PIK3CD: variants seen among roughly 807,000 people sequenced by gnomAD.
The protein encoded by PIK3CD is phosphatidylinositol 4,5-bisphosphate 3-kinase catalytic subunit delta isoform.
PIK3CD carries 20 observed loss-of-function variants against 122.9 expected under a neutral mutation model. The observed-to-expected ratio is 0.16, with a 90% CI of 0.11 to 0.24. PIK3CD has a LOEUF of 0.24. Among genes scored for constraint, PIK3CD ranks in the 10% least tolerant of loss-of-function variants. The pLI is 1.00. For missense variants in PIK3CD, 787 were observed against 1,406.3 expected, an observed-to-expected ratio of 0.56 and a Z score of 7.04; for synonymous variants, 596 against 593.4, an observed-to-expected ratio of 1.00 and a Z score of -0.06.
chr1:9,715,999 C>T lies in PIK3CD; in HGVS notation c.521C>T (p.Ser174Leu), dbSNP rs148638384. 1.6e-5 allele frequency: 25 copies of T among 1,612,476 alleles called. No individual in the cohort carries two copies. The highest frequency in any genetic ancestry group is 2.7e-5 in the African/African-American group (2 of 74,952). Residue 174 changes from serine (S) to leucine (L), a missense_variant, in exon 5 of 24, where the codon TCG becomes TTG. Physicochemically the swap from Ser to Leu is moderately radical, Grantham distance 145. Transcript: ENST00000377346. This position sits in a 1 kb window ranked among gnomAD's most constrained non-coding sequence, Gnocchi z 4.1. ...QYSFPLQLEP[S>L]AQTWGPGTLR... ...AGTTTCCCCCTGCAGCTGGAGCCCT[C>T]GGCTCAAACCTGGGGGCCTGGTACC...
rs1648433402 is a variant in PIK3CD, at chr1:9,720,681, G to A, written c.1521+20G>A. ...GAGGAGGTGAGTGGGGTGGGGGTGT[G>A]GGGTGGGGGGCATGGAGCCGGCGTG... On this transcript the variant is annotated intron_variant, in intron 12 of 23. Coordinates refer to ENST00000377346, the MANE Select transcript of PIK3CD (RefSeq NM_005026.5). The surrounding 1 kb of genome is among the most constrained non-coding windows in gnomAD (Gnocchi z 9.0). 1.3e-6 allele frequency: 2 copies of A among 1,544,792 alleles called. No individual in the cohort carries two copies. The highest frequency in any genetic ancestry group is 2.0e-5 in the Admixed American group (1 of 51,120).
At position 9,669,090 on chromosome 1, in the gene PIK3CD, G is replaced by A. The variant is rs552168290; in HGVS notation, c.-138+17288G>A. Among the ~76,000 whole-genome samples the A allele has an allele frequency of 2.0e-5, 3 of 152,248 alleles. No homozygotes were observed. In the East Asian group the frequency reaches 5.8e-4, roughly 29 times the overall value. On this transcript the variant is annotated intron_variant, in intron 1 of 23. Coordinates refer to ENST00000377346, the MANE Select transcript of PIK3CD (RefSeq NM_005026.5). Reference sequence around the variant, plus strand: ...AGGTGGATTCCTCAGGTATTTCAGGGGACAGAATCTGGGGCTTTGACTCCA... The same window carrying A: ...AGGTGGATTCCTCAGGTATTTCAGGAGACAGAATCTGGGGCTTTGACTCCA...
chr1:9,710,371 G>T lies in PIK3CD; in HGVS notation c.-32-53G>T. On this transcript the variant is annotated intron_variant, in intron 2 of 23. Transcript: ENST00000377346. This position sits in a 1 kb window ranked among gnomAD's most constrained non-coding sequence, Gnocchi z 4.7. ...TGTTTTCCAGGGAGTCCCTTCCAAA[G>T]GTCTCACCCAGCTCAGCTGAGGTAA... The T allele has an allele frequency of 6.9e-7, 1 of 1,440,880 alleles. No homozygotes were observed. The allele number at this position is 1,440,880 out of a possible 1,614,324, so 89.3% of individuals were successfully genotyped here. A position where few individuals can be genotyped will look rare whatever the true frequency, so the allele number is the denominator to read the frequency against.
intron 1 of PIK3CD, among the ~76,000 whole-genome samples, chr1:9,671,581 G>A (rs1445475210): frequency 6.6e-6 from 1 of 152,094 alleles, no homozygotes; most frequent in Non-Finnish European, 1.5e-5. Flanking sequence ...TACCTTATTT[G>A]ATCTTCCCAT....
intron 1 of PIK3CD, among the ~76,000 whole-genome samples, chr1:9,663,218 G>A (rs1201094621): frequency 6.6e-6 from 1 of 152,190 alleles, no homozygotes; most frequent in African/African-American, 2.4e-5. Context: ...AGACCCAGTC[G>A]TAGTCCCCAG....
At chr1:9,690,319 G>A (rs538180033) in intron 1 of PIK3CD, among the ~76,000 whole-genome samples, 109 of 152,304 alleles carry the variant, frequency 7.2e-4, no homozygotes, top group South Asian at 2.5e-3. Context: ...AATTCCTGAG[G>A]ATGAATTCTC....
In PIK3CD at chr1:9,726,921, C is replaced by G; in HGVS notation, c.3010C>G (p.Leu1004Val). The change falls in exon 24 of 24, where the codon CTG becomes GTG. Residue 1004 changes from leucine (L) to valine (V), a missense_variant. Coordinates refer to ENST00000377346, the MANE Select transcript of PIK3CD (RefSeq NM_005026.5). ...GATTTGTTTGCAGGACTCCCTGGCA[C>G]TGGGGAAAACAGAGGAGGAGGCACT... ...DIQYLKDSLA[L>V]GKTEEEALKH... 6.2e-7 allele frequency: 1 copy of G among 1,613,878 alleles called. No homozygotes were observed. The highest frequency in any genetic ancestry group is 8.5e-7 in the Non-Finnish European group (1 of 1,179,866).
chr1:9,629,109 C>T, the PIK3CD span, among the ~76,000 whole-genome samples: 3 of 152,092 alleles, frequency 2.0e-5, no homozygotes, highest in African/African-American at 4.8e-5. Flanking sequence ...CTGGGGGTCT[C>T]GGGCCACTGA....
chr1:9,669,972 G>A (rs1051081411), intron 1 of PIK3CD, among the ~76,000 whole-genome samples: 2 of 152,046 alleles, frequency 1.3e-5, no homozygotes, highest in African/African-American at 2.4e-5. Flanking sequence ...TCAGGAGTTC[G>A]AGACCAGCCT....
chr1:9,716,931 C>T (rs373770650), intron 6 of PIK3CD, 28 bp from the exon 7 acceptor site: 19 of 1,613,354 alleles, frequency 1.2e-5, no homozygotes, highest in Non-Finnish European at 1.6e-5. Flanking sequence ...GCCGCCCCAC[C>T]AGCCGCTCAC....
chr1:9,685,088 C>T (rs1300272326), intron 1 of PIK3CD, among the ~76,000 whole-genome samples: 1 of 151,820 alleles, frequency 6.6e-6, no homozygotes, highest in East Asian at 1.9e-4. Context: ...TTTTGAGTTA[C>T]CCAGGGGTGA....
At chr1:9,629,993 G>A in the PIK3CD span, among the ~76,000 whole-genome samples, 4 of 152,264 alleles carry the variant, frequency 2.6e-5, no homozygotes, top group East Asian at 1.9e-4. Flanking sequence ...AGGACACCAC[G>A]AGGTTGGGAG....
chr1:9,703,163 AAGAAGTCCCAG>A (rs1281810692), intron 2 of PIK3CD, among the ~76,000 whole-genome samples: 2 of 152,330 alleles, frequency 1.3e-5, no homozygotes, highest in East Asian at 3.9e-4. Context: ...CTACCCCAAG[AAGAAGTCCCAG>A]AGAAGCCTAG....
chr1:9,656,232 C>G (rs1644853646), intron 1 of PIK3CD, among the ~76,000 whole-genome samples: 1 of 151,986 alleles, frequency 6.6e-6, no homozygotes, highest in Non-Finnish European at 1.5e-5. Flanking sequence ...GTTAAGTATC[C>G]CTTATCCAAA....
In PIK3CD at chr1:9,719,522, G is replaced by A. The variant is rs545275700; in HGVS notation, c.1243-399G>A. ...GAAAATACAAAAAAATTAGCCGGGC[G>A]TGGAGGCACATGCCTGTAATCTCAG... On this transcript the variant is annotated intron_variant, in intron 9 of 23. Transcript: ENST00000377346. The surrounding 1 kb of genome is among the most constrained non-coding windows in gnomAD (Gnocchi z 5.5). 9.8e-5 allele frequency among the ~76,000 whole-genome samples: 15 copies of A among 152,312 alleles called. No homozygotes were observed. In the East Asian group the frequency reaches 1.9e-3, roughly 20 times the overall value.
chr1:9,707,537 C>T (rs953429066), intron 2 of PIK3CD, among the ~76,000 whole-genome samples: 1 of 151,904 alleles, frequency 6.6e-6, no homozygotes. Flanking sequence ...CCTCAGGCCC[C>T]CGTGTGTGCT....
chr1:9,669,553 T>A (rs969110350), intron 1 of PIK3CD, among the ~76,000 whole-genome samples: 1 of 152,190 alleles, frequency 6.6e-6, no homozygotes, highest in African/African-American at 2.4e-5. Context: ...CTCAAACTCC[T>A]GGGCTCAAGC....
chr1:9,633,774 T>C, the PIK3CD span, among the ~76,000 whole-genome samples: 2 of 152,148 alleles, frequency 1.3e-5, no homozygotes, highest in African/African-American at 4.8e-5. Context: ...AAAGAAGGTT[T>C]TTTTTCTCTA....
intron 2 of PIK3CD, among the ~76,000 whole-genome samples, chr1:9,697,250 AAC>A (rs1331408361): frequency 6.6e-6 from 1 of 151,962 alleles, no homozygotes; most frequent in Non-Finnish European, 1.5e-5. Context: ...GAGGTATAAA[AAC>A]ACACAAAAAT....
Sources: allele counts gnomAD v4.1 joint callset (sites outside exome capture counted in the v4.1 genomes callset), GRCh38; gene constraint gnomAD v4.1.1; non-coding constraint Gnocchi (gnomAD v3.1); transcripts MANE v1.5; gene names NCBI Gene and HGNC (gene_info 2026-07-23, HGNC 2026-07-21).